The following ANK3 variants were observed in gnomAD, a reference collection of about 807,000 sequenced individuals.
ANK3 encodes ankyrin-3.
ANK3 carries 57 observed loss-of-function variants against 370.9 expected under a neutral mutation model. The observed-to-expected ratio is 0.15, with a 90% confidence interval of 0.12 to 0.19. The LOEUF is 0.19. ANK3 is among the 10% of genes least tolerant of loss of function. The pLI is 1.00. For missense variants in ANK3, 4,439 were observed against 5,302.1 expected (o/e 0.84, Z 5.06); for synonymous variants, 1,929 against 1,946.3 (o/e 0.99, Z 0.23).
intron 12 of ANK3, among the ~76,000 whole-genome samples, chr10:60,201,098 A>C (rs932297572): frequency 2.0e-5 from 3 of 152,256 alleles, no homozygotes; most frequent in Non-Finnish European, 4.4e-5. Flanking sequence ...TTTATAGGCC[A>C]CCTACTTCCA....
intron 2 of ANK3, among the ~76,000 whole-genome samples, chr10:60,510,658 T>C (rs1012584380): frequency 6.6e-6 from 1 of 151,716 alleles, no homozygotes; most frequent in Non-Finnish European, 1.5e-5. Context: ...TTTAGTAAAA[T>C]ATATTAAAAA....
chr10:60,601,196 C>CACAT lies in ANK3; in HGVS notation c.96+13989_96+13990insATGT, dbSNP rs1555395935. On this transcript the variant is annotated intron_variant, in intron 2 of 43. Coordinates refer to the ANK3 transcript ENST00000373827. Reference sequence around the variant, plus strand: ...ACGCACACACACACACACACACACACATACCCGCACACACACCCAACATCC... The same window carrying CACAT: ...ACGCACACACACACACACACACACACACATATACCCGCACACACACCCAACATCC... Among the ~76,000 whole-genome samples, 476 of 151,560 alleles carry CACAT rather than the reference C, an allele frequency of 3.1e-3. 5 individuals are homozygous for CACAT. The highest frequency in any genetic ancestry group is 0.011 in the African/African-American group (456 of 41,276).
rs982866449 is a variant in ANK3 at position 60,043,106 on chromosome 10, A to T, written c.13066-347T>A. ...AGCAGAATTGTAAACAATCTGTTGC[A>T]ATGAGATTCAGACTTCTTAGTTAAG... On this transcript the variant is annotated intron_variant, in intron 42 of 43. Transcript: ENST00000280772. 8.7e-6 allele frequency: 9 copies of T among 1,032,194 alleles called. No individual in the cohort carries two copies. The African/African-American group carries it at 1.4e-4, about 16-fold the overall frequency. The allele number at this position is 1,032,194 out of a possible 1,614,324, so 63.9% of individuals were successfully genotyped here. A position where few individuals can be genotyped will look rare whatever the true frequency, so the allele number is the denominator to read the frequency against.
intron 25 of ANK3, among the ~76,000 whole-genome samples, chr10:60,131,456 C>G (rs2094064386): frequency 6.6e-6 from 1 of 152,212 alleles, no homozygotes; most frequent in South Asian, 2.1e-4. Flanking sequence ...ATGTCCTATG[C>G]TCTCCTTTCC....
intron 2 of ANK3, among the ~76,000 whole-genome samples, chr10:60,557,851 T>C (rs1315992121): frequency 6.6e-6 from 1 of 152,184 alleles, no homozygotes; most frequent in Non-Finnish European, 1.5e-5. Context: ...TTCAAAACAC[T>C]TCACTGCATT....
chr10:60,680,049 C>T (rs751596154), intron 1 of ANK3, among the ~76,000 whole-genome samples: 13 of 149,406 alleles, frequency 8.7e-5, no homozygotes, highest in Admixed American at 7.4e-4. Context: ...GCACAAGAAT[C>T]GCTTAAACCC....
At position 60,263,826 on chromosome 10, in the gene ANK3, G is replaced by A. The variant is rs765247012; in HGVS notation, c.699+9C>T. 13 of 1,613,278 alleles carry A rather than the reference G, an allele frequency of 8.1e-6. No individual in the cohort carries two copies. The East Asian group carries it at 8.9e-5, about 11-fold the overall frequency. ...GTTGCATGACAGGCCCGTGTCCCTC[G>A]TGCCTCACCTTTGATTCCACATCTG... On this transcript the variant is annotated intron_variant, in intron 6 of 43. Coordinates refer to ENST00000280772, the MANE Select transcript of ANK3 (RefSeq NM_020987.5).
chr10:60,642,346 G>A lies in ANK3; in HGVS notation c.58-27122C>T, dbSNP rs371307126. On this transcript the variant is annotated intron_variant, in intron 1 of 43. Transcript: ENST00000373827. ...ACACATGCACACGTATGTTTATTGC[G>A]GCACTATTCACAATAGCAAAGACTT... is the stretch of plus-strand genomic sequence containing the variant. Among the ~76,000 whole-genome samples, 171 of 151,102 alleles carry A rather than the reference G, an allele frequency of 1.1e-3. 6 individuals carry two copies. The South Asian group carries it at 0.034, about 30-fold the overall frequency.
intron 1 of ANK3, among the ~76,000 whole-genome samples, chr10:60,671,556 AT>A (rs1564526087): frequency 6.6e-6 from 1 of 152,180 alleles, no homozygotes; most frequent in Non-Finnish European, 1.5e-5. Flanking sequence ...AAGGGTGTAT[AT>A]ATGTAAGTGT....
rs915703322 is a variant in ANK3, at chr10:60,146,043, T to G, written c.2615-6956A>C. ...TTACCTATTCAAAAAATGAATAAAA[T>G]TAACAAAATAAAACAAAACAAAATA... On this transcript the variant is annotated intron_variant, in intron 23 of 43. Coordinates refer to ENST00000280772, the MANE Select transcript of ANK3 (RefSeq NM_020987.5). 2.0e-6 allele frequency: 3 copies of G among 1,502,730 alleles called. No homozygotes were observed. In the Admixed American group the frequency reaches 5.9e-5, roughly 30 times the overall value. 93.1% of individuals were successfully genotyped at this position (1,502,730 alleles called of 1,614,324 possible).
chr10:60,095,270 C>T (rs975495822), intron 28 of ANK3, among the ~76,000 whole-genome samples: 2 of 152,236 alleles, frequency 1.3e-5, no homozygotes, highest in Non-Finnish European at 2.9e-5. Flanking sequence ...AAGAAATCAG[C>T]TGGGAATCAA....
chr10:60,522,033 G>A (rs2076359788), intron 2 of ANK3, among the ~76,000 whole-genome samples: 1 of 152,094 alleles, frequency 6.6e-6, no homozygotes. Context: ...TCTTCACTTT[G>A]AACACAGTGT....
intron 2 of ANK3, among the ~76,000 whole-genome samples, chr10:60,509,838 GTTTC>G (rs536328152): frequency 1.4e-4 from 22 of 152,176 alleles, no homozygotes; most frequent in Admixed American, 7.2e-4. Flanking sequence ...TCCCACTAAA[GTTTC>G]TTTAAGGATT....
chr10:60,279,063 T>G lies in ANK3; in HGVS notation c.302A>C (p.Asp101Ala). 6.2e-7 allele frequency: 1 copy of G among 1,613,910 alleles called. No individual in the cohort carries two copies. The highest frequency in any genetic ancestry group is 8.5e-7 in the Non-Finnish European group (1 of 1,179,894). The change falls in exon 3 of 44, where the codon GAT (aspartate) becomes GCT (alanine). Residue 101 changes from aspartate (D) to alanine (A), a missense_variant. Around this residue, in one of 13 missense-constraint regions of ANK3, gnomAD observed 136 missense variants for 230.5 expected, o/e 0.59. Transcript: ENST00000280772. ...SELLQREANV[D>A]AATKKGNTAL... Reference sequence around the variant, plus strand: ...TGTGATACTGACCTTTGTAGCTGCATCCACATTGGCTTCTCTCTGCAGCAG... The same window carrying G: ...TGTGATACTGACCTTTGTAGCTGCAGCCACATTGGCTTCTCTCTGCAGCAG...
chr10:60,262,817 T>C (rs909730003), intron 6 of ANK3, among the ~76,000 whole-genome samples: 2 of 152,178 alleles, frequency 1.3e-5, no homozygotes, highest in Non-Finnish European at 1.5e-5. Context: ...GCTTTAGATA[T>C]AGCTGATAAA....
chr10:60,197,409 CG>C (rs1299964433), intron 14 of ANK3, among the ~76,000 whole-genome samples: 2 of 152,112 alleles, frequency 1.3e-5, no homozygotes, highest in African/African-American at 4.8e-5. Flanking sequence ...TCAGGGATTA[CG>C]GGGTCATCAG....
chr10:60,116,630 A>G (rs2132120318), intron 25 of ANK3, among the ~76,000 whole-genome samples: 1 of 152,118 alleles, frequency 6.6e-6, no homozygotes, highest in South Asian at 2.1e-4. Context: ...AATAACTCTT[A>G]GAAGTAACAA....
chr10:60,397,033 G>T (rs2063255348), intron 2 of ANK3, among the ~76,000 whole-genome samples: 1 of 152,122 alleles, frequency 6.6e-6, no homozygotes, highest in African/African-American at 2.4e-5. Flanking sequence ...AAAGGCAAAG[G>T]TACAAAGGAG....
At chr10:60,200,255 G>C in intron 12 of ANK3, 28 bp from the exon 13 acceptor site, 1 of 1,552,572 alleles carries the variant, frequency 6.4e-7, no homozygotes, top group Non-Finnish European at 8.9e-7. Flanking sequence ...AAGTAAATTA[G>C]CTGCAGCTCT....
Sources: gnomAD v4.1 joint callset for allele counts (sites outside exome capture counted in the v4.1 genomes callset) on GRCh38, gnomAD v4.1.1 for gene constraint, gnomAD v4.1.1 regional missense constraint, MANE v1.5 for transcripts, NCBI Gene and HGNC (gene_info 2026-07-23, HGNC 2026-07-21) for gene names.